Variants in BDKRB2 observed in about 807,000 individuals in gnomAD.
BDKRB2 encodes the protein B2 bradykinin receptor.
BDKRB2 carries 6 observed loss-of-function variants against 4.0 expected under a neutral mutation model. The observed-to-expected ratio is 1.49, with a 90% CI of 0.81 to 2.93. The LOEUF is 2.93. Ranked by LOEUF, BDKRB2 falls within the 30% of genes most tolerant of loss-of-function variation. The pLI is 0.00. For missense variants in BDKRB2, 478 were observed against 520.1 expected (o/e 0.92, Z 0.79); for synonymous variants, 225 against 215.3 (o/e 1.05, Z -0.40).
chr14:96,233,970 C>G (rs1430199814), intron 1 of BDKRB2: 1 of 152,182 alleles, frequency 6.6e-6, no homozygotes, highest in Non-Finnish European at 1.5e-5. Flanking sequence ...GTCCCCAGCT[C>G]TGAGGATCTG....
chr14:96,217,862 C>T (rs1294627608), intron 1 of BDKRB2, among the ~76,000 whole-genome samples: 1 of 151,510 alleles, frequency 6.6e-6, no homozygotes, highest in Non-Finnish European at 1.5e-5. Flanking sequence ...AGGCTCCAGA[C>T]TCCTCCAACC....
intron 1 of BDKRB2, among the ~76,000 whole-genome samples, chr14:96,207,047 C>G (rs917481649): frequency 2.0e-5 from 3 of 152,096 alleles, no homozygotes; most frequent in Non-Finnish European, 2.9e-5. Flanking sequence ...GATCTAATCT[C>G]CCCCCAGAAG....
chr14:96,237,208 C>T (rs1890956489), intron 2 of BDKRB2, 27 bp downstream of exon 2: 2 of 1,594,038 alleles, frequency 1.3e-6, no homozygotes, highest in African/African-American at 1.3e-5. Flanking sequence ...CCTCAGTTCA[C>T]TAGTTAGGGG....
intron 1 of BDKRB2, among the ~76,000 whole-genome samples, chr14:96,234,981 C>T (rs747978348): frequency 2.2e-4 from 33 of 152,312 alleles, no homozygotes; most frequent in Non-Finnish European, 3.7e-4. Context: ...ACAGGGGAGG[C>T]TGGTCTTCAT....
At position 96,208,031 on chromosome 14, in the gene BDKRB2, A is replaced by G. The variant is rs186514309; in HGVS notation, c.-40+3072A>G. Among the ~76,000 whole-genome samples the G allele has an allele frequency of 1.2e-4, 18 of 152,238 alleles. No homozygotes were observed. In the East Asian group the frequency reaches 3.5e-3, roughly 29 times the overall value. On this transcript the variant is annotated intron_variant, in intron 1 of 2. Transcript: ENST00000554311. ...GCGCATTCCATCTTAGGAGAGTTCTACTGTTTAAAAGCTCTTCCTCCAACT... is the reference window on the plus strand; with the variant it reads ...GCGCATTCCATCTTAGGAGAGTTCTGCTGTTTAAAAGCTCTTCCTCCAACT...
chr14:96,234,929 G>A (rs1890897558), intron 1 of BDKRB2, among the ~76,000 whole-genome samples: 1 of 152,170 alleles, frequency 6.6e-6, no homozygotes, highest in African/African-American at 2.4e-5. Flanking sequence ...GCAGGCTGAG[G>A]CTTCTCAGCT....
rs1428764659 is a variant in BDKRB2 at position 96,237,097 on chromosome 14, T to A, written c.-11T>A. 12 of 1,611,882 alleles carry A rather than the reference T, an allele frequency of 7.4e-6. No homozygotes were observed. The highest frequency in any genetic ancestry group is 1.0e-5 in the Non-Finnish European group (12 of 1,178,006). On this transcript the variant is annotated 5_prime_UTR_variant, in exon 2 of 3. Coordinates refer to ENST00000554311, the MANE Select transcript of BDKRB2 (RefSeq NM_001379692.1). ...AGGTGTGGCCTCACTCACATCCCAC[T>A]CTGAGTCCAAATGTTCTCTCCCTGG...
intron 1 of BDKRB2, among the ~76,000 whole-genome samples, chr14:96,212,472 C>A (rs1380089886): frequency 1.3e-5 from 2 of 151,882 alleles, no homozygotes; most frequent in African/African-American, 2.4e-5. Context: ...AAAAGAATTA[C>A]AAAAACAAAA....
At chr14:96,238,814 AC>A (rs1368059131) in intron 2 of BDKRB2, 12 of 985,132 alleles carry the variant, frequency 1.2e-5, no homozygotes, top group Middle Eastern at 5.1e-4. Context: ...GTGTCCCACA[AC>A]CCCCCTGCTC....
intron 2 of BDKRB2, chr14:96,239,482 T>C (rs555225267): frequency 2.0e-6 from 2 of 985,368 alleles, no homozygotes; most frequent in East Asian, 2.3e-4. Context: ...TCTGTGAGTC[T>C]TGCCTAAGAA....
At chr14:96,240,147 G>A in intron 2 of BDKRB2, 6 of 1,210,744 alleles carry the variant, frequency 5.0e-6, no homozygotes, top group Non-Finnish European at 5.1e-6. Context: ...GTGGATACTG[G>A]CCAAGGAAAT....
intron 1 of BDKRB2, among the ~76,000 whole-genome samples, chr14:96,231,494 C>A (rs190682402): frequency 6.6e-6 from 1 of 152,186 alleles, no homozygotes; most frequent in Admixed American, 6.5e-5. Context: ...GCCATCACCC[C>A]CTTCCGCCAC....
chr14:96,242,580 C>T lies in BDKRB2; in HGVS notation c.*1076C>T, dbSNP rs1378163823. ...CAGTGTCTGGCACACAGTAGGTGCT[C>T]ATTGGCTCCCTTCCACCTGTCATTC... is the stretch of plus-strand genomic sequence containing the variant. On this transcript the variant is annotated 3_prime_UTR_variant, in exon 3 of 3. Transcript: ENST00000554311. 6.6e-6 allele frequency: 1 copy of T among 152,280 alleles called. No individual in the cohort carries two copies. The highest frequency in any genetic ancestry group is 2.4e-5 in the African/African-American group (1 of 41,470). 9.4% of individuals were successfully genotyped at this position (152,280 alleles called of 1,614,324 possible).
intron 1 of BDKRB2, among the ~76,000 whole-genome samples, chr14:96,218,775 C>T (rs1430476608): frequency 6.6e-6 from 1 of 151,762 alleles, no homozygotes; most frequent in African/African-American, 2.4e-5. Context: ...AAATATTAGC[C>T]AGGTGTGGTA....
rs13306216 is a variant in BDKRB2 at position 96,243,162 on chromosome 14, G to A, written c.*1658G>A. The A allele has an allele frequency of 0.066, 10,179 of 154,272 alleles. 367 individuals carry two copies. Among genetic ancestry groups the A allele is most frequent in the East Asian group, 0.15 (776 of 5,122 alleles). 9.6% of individuals were successfully genotyped at this position (154,272 alleles called of 1,614,324 possible). Reference sequence around the variant, plus strand: ...CTAGAACCTGGAGGGCTAGAACCTGGAGGGCTAGAATCTGGAGAGCTAGAA... The same window carrying A: ...CTAGAACCTGGAGGGCTAGAACCTGAAGGGCTAGAATCTGGAGAGCTAGAA... On this transcript the variant is annotated 3_prime_UTR_variant, in exon 3 of 3. Transcript: ENST00000554311.
intron 2 of BDKRB2, chr14:96,240,108 T>TC: frequency 8.8e-7 from 1 of 1,132,298 alleles, no homozygotes; most frequent in Non-Finnish European, 1.1e-6. Context: ...AGGTCAAGGG[T>TC]CCAACACTTG....
At chr14:96,222,497 A>G (rs550750744) in intron 1 of BDKRB2, among the ~76,000 whole-genome samples, 1 of 152,060 alleles carries the variant, frequency 6.6e-6, no homozygotes, top group South Asian at 2.1e-4. Context: ...ACCTCATTAG[A>G]ACAAAAGATG....
At chr14:96,238,797 C>G (rs1885181324) in intron 2 of BDKRB2, 7 of 985,966 alleles carry the variant, frequency 7.1e-6, no homozygotes, top group Non-Finnish European at 8.4e-6. Context: ...GCCCCCTCTC[C>G]AAGTCTGTGT....
At chr14:96,206,590 A>G (rs553999790) in intron 1 of BDKRB2, among the ~76,000 whole-genome samples, 1 of 152,170 alleles carries the variant, frequency 6.6e-6, no homozygotes, top group South Asian at 2.1e-4. Flanking sequence ...ATTAGAAGTA[A>G]TGCCAAAAAC....
Sources: gnomAD v4.1 joint callset for allele counts (sites outside exome capture counted in the v4.1 genomes callset) on GRCh38, gnomAD v4.1.1 for gene constraint, MANE v1.5 for transcripts, NCBI Gene and HGNC (gene_info 2026-07-23, HGNC 2026-07-21) for gene names.